Variants in SUPT3H observed in about 807,000 individuals in gnomAD.
SUPT3H encodes the protein transcription initiation protein SPT3 homolog.
Under a neutral mutation model 44.3 loss-of-function variants are expected in SUPT3H, and 44 were observed. That is an observed-to-expected ratio of 0.99 (90% CI 0.78 to 1.28). The LOEUF is 1.28. SUPT3H is among the 50% of genes most tolerant of loss of function. The probability of loss-of-function intolerance (pLI) is 0.00; values close to 1 mark genes in which losing one functional copy is unlikely to be tolerated. For synonymous variants in SUPT3H, 124 were observed against 125.6 expected (o/e 0.99, Z 0.09); for missense variants, 380 against 387.1 (o/e 0.98, Z 0.15).
intron 2 of SUPT3H, among the ~76,000 whole-genome samples, chr6:45,295,947 T>C (rs767564433): frequency 6.6e-6 from 1 of 151,962 alleles, no homozygotes; most frequent in Non-Finnish European, 1.5e-5. Context: ...AAAGTAGAAC[T>C]ACCATTTGAT....
chr6:45,327,147 C>G (rs893900996), intron 2 of SUPT3H, among the ~76,000 whole-genome samples: 1 of 151,884 alleles, frequency 6.6e-6, no homozygotes, highest in African/African-American at 2.4e-5. Context: ...GATAGTTTCC[C>G]AAAGATGTTT....
chr6:45,031,625 G>C (rs969749746), intron 3 of SUPT3H, among the ~76,000 whole-genome samples: 7 of 152,168 alleles, frequency 4.6e-5, no homozygotes, highest in Admixed American at 4.6e-4. Flanking sequence ...ACTAAAGAGA[G>C]GTGAATATCA....
intron 2 of SUPT3H, among the ~76,000 whole-genome samples, chr6:45,199,837 A>C (rs1472124172): frequency 1.3e-5 from 2 of 151,420 alleles, no homozygotes; most frequent in African/African-American, 4.8e-5. Flanking sequence ...ATGACTTTGA[A>C]CTCAGGTTTT....
At chr6:45,043,055 A>G (rs1045193519) in intron 3 of SUPT3H, among the ~76,000 whole-genome samples, 4 of 151,974 alleles carry the variant, frequency 2.6e-5, no homozygotes, top group Non-Finnish European at 5.9e-5. Context: ...CATACATGAA[A>G]AAAGAATCTT....
intron 10 of SUPT3H, among the ~76,000 whole-genome samples, chr6:44,863,990 G>A (rs1314798460): frequency 6.6e-6 from 1 of 151,450 alleles, no homozygotes; most frequent in Non-Finnish European, 1.5e-5. Context: ...GGGAATTATG[G>A]GAGTACAATT....
chr6:45,305,436 C>G (rs1782842583), intron 2 of SUPT3H, among the ~76,000 whole-genome samples: 1 of 152,198 alleles, frequency 6.6e-6, no homozygotes, highest in African/African-American at 2.4e-5. Context: ...TACATAAATT[C>G]AGCTAGATTA....
At chr6:45,109,026 T>C (rs1026466876) in intron 2 of SUPT3H, among the ~76,000 whole-genome samples, 5 of 152,052 alleles carry the variant, frequency 3.3e-5, no homozygotes, top group Admixed American at 3.3e-4. Flanking sequence ...AGGTAGAAGA[T>C]GCAATTAAAA....
At chr6:44,917,673 A>G (rs931520778) in intron 10 of SUPT3H, among the ~76,000 whole-genome samples, 1 of 152,092 alleles carries the variant, frequency 6.6e-6, no homozygotes, top group Non-Finnish European at 1.5e-5. Context: ...TAGAATAAAT[A>G]CCTCCAGGCT....
intron 2 of SUPT3H, among the ~76,000 whole-genome samples, chr6:45,265,753 A>C (rs1198862441): frequency 6.6e-6 from 1 of 152,084 alleles, no homozygotes; most frequent in Non-Finnish European, 1.5e-5. Flanking sequence ...GCAGCATTCC[A>C]ACAAAAATTA....
At chr6:45,224,477 T>C (rs888616389) in intron 2 of SUPT3H, among the ~76,000 whole-genome samples, 5 of 152,072 alleles carry the variant, frequency 3.3e-5, no homozygotes, top group African/African-American at 1.2e-4. Context: ...TCAAAAAAAT[T>C]TAAATCTCTA....
At chr6:44,986,840 G>GA (rs147181222) in intron 6 of SUPT3H, among the ~76,000 whole-genome samples, 11 of 149,818 alleles carry the variant, frequency 7.3e-5, no homozygotes, top group South Asian at 2.1e-4. Context: ...GAGGAAGACA[G>GA]AAAAAAAAAC....
In SUPT3H at chr6:44,828,114, CCCCT is replaced by C. The variant is rs1767970238; in HGVS notation, c.*1698_*1701del. Among the ~76,000 whole-genome samples, 1 of 152,040 alleles carries C rather than the reference CCCCT, an allele frequency of 6.6e-6. No homozygotes were observed. The highest frequency in any genetic ancestry group is 2.1e-4 in the South Asian group (1 of 4,822). ...AAGGAATTTTGATGTGAAAAATTATCCCCTGAAAATTTTATACCATCTATAAGCC... is the reference window on the plus strand; with the variant it reads ...AAGGAATTTTGATGTGAAAAATTATCGAAAATTTTATACCATCTATAAGCC... On this transcript the variant is annotated 3_prime_UTR_variant, in exon 11 of 11. Coordinates refer to ENST00000371459, the MANE Select transcript of SUPT3H (RefSeq NM_003599.4).
At chr6:45,333,197 A>G (rs898582705) in intron 2 of SUPT3H, among the ~76,000 whole-genome samples, 2 of 151,654 alleles carry the variant, frequency 1.3e-5, no homozygotes, top group African/African-American at 4.8e-5. Context: ...AAAGATTATG[A>G]AATTCACTGG....
chr6:44,978,200 A>G (rs1460029012), intron 6 of SUPT3H, among the ~76,000 whole-genome samples: 1 of 152,216 alleles, frequency 6.6e-6, no homozygotes, highest in African/African-American at 2.4e-5. Flanking sequence ...ATATTTTCAT[A>G]AAGAAGATTC....
At position 44,920,381 on chromosome 6, in the gene SUPT3H, G is replaced by A. The variant is rs114256353; in HGVS notation, c.912+12272C>T. On this transcript the variant is annotated intron_variant, in intron 10 of 10. Coordinates refer to ENST00000371459, the MANE Select transcript of SUPT3H (RefSeq NM_003599.4). Reference sequence around the variant, plus strand: ...GAGGCCAGGAGTTAGAGACCAGTCCGGGCAAGAGAGTGAGACCCCATCTCT... The same window carrying A: ...GAGGCCAGGAGTTAGAGACCAGTCCAGGCAAGAGAGTGAGACCCCATCTCT... Among the ~76,000 whole-genome samples the A allele has an allele frequency of 7.4e-4, 112 of 152,048 alleles. 1 individual carries two copies. The highest frequency in any genetic ancestry group is 3.4e-3 in the Middle Eastern group (1 of 294).
intron 2 of SUPT3H, among the ~76,000 whole-genome samples, chr6:45,213,061 T>C (rs2153631399): frequency 6.6e-6 from 1 of 152,314 alleles, no homozygotes; most frequent in Non-Finnish European, 1.5e-5. Context: ...CCCACCAATA[T>C]TCTAAAATAT....
intron 2 of SUPT3H, among the ~76,000 whole-genome samples, chr6:45,168,566 G>T (rs2153604944): frequency 6.6e-6 from 1 of 152,298 alleles, no homozygotes; most frequent in East Asian, 1.9e-4. Flanking sequence ...ACTGAGACCT[G>T]TCTCAGATAT....
At position 44,924,786 on chromosome 6, in the gene SUPT3H, G is replaced by T. The variant is rs923944259; in HGVS notation, c.912+7867C>A. ...GCCTACAGTTTTAAACATATGTTTG[G>T]TTTCCAATCTGTAATAATAGATTTA... On this transcript the variant is annotated intron_variant, in intron 10 of 10. Transcript: ENST00000371459. Among the ~76,000 whole-genome samples, 76 of 151,760 alleles carry T rather than the reference G, an allele frequency of 5.0e-4. 1 individual carries two copies. Among genetic ancestry groups the T allele is most frequent in the Non-Finnish European group, 1.5e-5 (1 of 67,892 alleles).
chr6:45,108,850 TA>T (rs1285244582), intron 2 of SUPT3H, among the ~76,000 whole-genome samples: 6 of 152,164 alleles, frequency 3.9e-5, no homozygotes, highest in East Asian at 3.9e-4. Flanking sequence ...AAGAAAAAAC[TA>T]AAACTATAAA....
Sources: allele counts gnomAD v4.1 joint callset (sites outside exome capture counted in the v4.1 genomes callset), GRCh38; gene constraint gnomAD v4.1.1; transcripts MANE v1.5; gene names NCBI Gene and HGNC (gene_info 2026-07-23, HGNC 2026-07-21).